The following SP140 variants were observed in gnomAD, a reference collection of about 807,000 sequenced individuals.
The protein encoded by SP140 is SP140 nuclear body protein, also known as nuclear body protein SP140.
SP140 carries 81 observed loss-of-function variants against 125.0 expected under a neutral mutation model. The ratio of observed to expected loss-of-function variants is 0.65; its 90% CI spans 0.54 to 0.78. The LOEUF (loss-of-function observed/expected upper bound fraction) is 0.78, where lower values mean the gene tolerates loss of function less well. SP140 is among the 30% of genes least tolerant of loss of function. The pLI, the probability that SP140 is intolerant of heterozygous loss-of-function variation, is 0.00. For missense variants in SP140, 858 were observed against 1,037.0 expected (o/e 0.83, Z 2.37); for synonymous variants, 312 against 354.0 (o/e 0.88, Z 1.33).
At chr2:230,198,859 A>G (rs574105933), upstream of SP140, among the ~76,000 whole-genome samples, 22 of 152,248 alleles carry the variant, frequency 1.4e-4, no homozygotes, top group Admixed American at 7.2e-4. Context: ...CGGCCTCCCA[A>G]TAGCAAATTA....
At chr2:230,251,094 G>A (rs2050288386) in intron 10 of SP140, 33 bp downstream of exon 10, 2 of 1,576,696 alleles carry the variant, frequency 1.3e-6, no homozygotes, top group African/African-American at 1.3e-5. Context: ...GCCCTGGGCT[G>A]CAGAGTGTCA....
intron 23 of SP140, 97 bp from the exon 24 acceptor site, chr2:230,310,645 GC>G (rs2059256936): frequency 6.5e-7 from 1 of 1,545,568 alleles, no homozygotes; most frequent in African/African-American, 1.4e-5. Context: ...CCATGACTGA[GC>G]CCATCAGCCA....
the SP140 span, among the ~76,000 whole-genome samples, chr2:230,194,948 C>T: frequency 3.3e-5 from 5 of 152,082 alleles, no homozygotes; most frequent in Non-Finnish European, 7.4e-5. Context: ...TGGCTGTGCT[C>T]CAGGCACATG....
intron 12 of SP140, among the ~76,000 whole-genome samples, chr2:230,257,631 G>T (rs1346047744): frequency 6.6e-6 from 1 of 152,094 alleles, no homozygotes; most frequent in Admixed American, 6.6e-5. Flanking sequence ...GCTGGTTGTG[G>T]TCGAGCACAC....
rs755023571 is a variant in SP140, at chr2:230,251,006, G to A, written c.1002G>A (p.Met334Ile). The change falls in exon 10 of 27, where the codon ATG (methionine) becomes ATA (isoleucine). Residue 334 changes from methionine to isoleucine, a missense_variant. Transcript: ENST00000392045. The stretch of plus-strand genomic sequence containing the variant: ...AGGGCAGTGATGACTGTTCAGAAAT[G>A]TGTGATGGAGAAGAGCCCCAGGAAG... Reference protein sequence around the residue: ...GEEGSDDCSEMCDGEEPQEAS... With the variant: ...GEEGSDDCSEICDGEEPQEAS... 16 of 1,613,868 alleles carry A rather than the reference G, an allele frequency of 9.9e-6. No homozygotes were observed. In the South Asian group the frequency reaches 1.6e-4, roughly 17 times the overall value.
intron 1 of SP140, chr2:230,209,918 AG>A (rs759400271): frequency 6.5e-7 from 1 of 1,541,900 alleles, no homozygotes; most frequent in South Asian, 1.1e-5. Context: ...TACAGAAGAA[AG>A]GCTTTTCTTA....
chr2:230,263,784 G>T (rs2052644276), intron 12 of SP140, among the ~76,000 whole-genome samples: 1 of 152,190 alleles, frequency 6.6e-6, no homozygotes, highest in Non-Finnish European at 1.5e-5. Context: ...GTTTGAAGAG[G>T]CTGAAGATAG....
intron 1 of SP140, among the ~76,000 whole-genome samples, chr2:230,206,054 T>C (rs2043762869): frequency 6.6e-6 from 1 of 152,168 alleles, no homozygotes; most frequent in Admixed American, 6.5e-5. Flanking sequence ...TTTCTTAGAA[T>C]GGAATCATTT....
intron 3 of SP140, among the ~76,000 whole-genome samples, chr2:230,219,211 C>T (rs190632119): frequency 2.0e-5 from 3 of 152,136 alleles, no homozygotes; most frequent in East Asian, 1.9e-4. Flanking sequence ...GGTGACAGAG[C>T]GAGACTCCGT....
At chr2:230,207,789 G>T (rs997923035) in intron 1 of SP140, among the ~76,000 whole-genome samples, 2 of 152,072 alleles carry the variant, frequency 1.3e-5, no homozygotes, top group Admixed American at 6.6e-5. Context: ...CAAAATGGCT[G>T]CCCTGCCTCC....
intron 22 of SP140, among the ~76,000 whole-genome samples, chr2:230,306,866 G>A (rs572628789): frequency 2.0e-5 from 3 of 152,350 alleles, no homozygotes; most frequent in South Asian, 4.1e-4. Context: ...TGGGTGGGAA[G>A]GGGCAGGTCC....
chr2:230,187,439 G>A, the SP140 span, among the ~76,000 whole-genome samples: 2,530 of 152,222 alleles, frequency 0.017, 49 homozygotes, highest in African/African-American at 0.055. Context: ...CATTCTGTGG[G>A]TTGTCTGTTT....
intron 19 of SP140, among the ~76,000 whole-genome samples, chr2:230,291,092 A>C (rs939004499): frequency 1.3e-5 from 2 of 152,252 alleles, no homozygotes; most frequent in African/African-American, 4.8e-5. Flanking sequence ...CTCATGATGT[A>C]GCTGTGAGAA....
intron 6 of SP140, 62 bp from the exon 7 acceptor site, chr2:230,245,801 G>A: frequency 3.8e-6 from 4 of 1,043,510 alleles, no homozygotes; most frequent in South Asian, 3.8e-5. Flanking sequence ...AGCTCAGCAT[G>A]GATCCAGGTA....
chr2:230,207,532 TA>T (rs1396930334), intron 1 of SP140, among the ~76,000 whole-genome samples: 1 of 152,192 alleles, frequency 6.6e-6, no homozygotes, highest in Non-Finnish European at 1.5e-5. Context: ...AACAGGTCAA[TA>T]ATTGAACTCT....
intron 1 of SP140, among the ~76,000 whole-genome samples, chr2:230,235,875 T>C (rs1574920182): frequency 1.4e-5 from 2 of 139,760 alleles, no homozygotes; most frequent in Non-Finnish European, 3.1e-5. Flanking sequence ...ACTGTTTTTT[T>C]TTTTTTTTTT....
chr2:230,236,981 G>T, intron 1 of SP140, 102 bp from the exon 2 acceptor site: 1 of 771,834 alleles, frequency 1.3e-6, no homozygotes, highest in Non-Finnish European at 2.0e-6. Context: ...TTTTATACAT[G>T]TTGGCTCTCC....
chr2:230,263,522 G>A (rs1352894141), intron 12 of SP140, among the ~76,000 whole-genome samples: 1 of 151,938 alleles, frequency 6.6e-6, no homozygotes, highest in Non-Finnish European at 1.5e-5. Flanking sequence ...TGTACTTTTT[G>A]TTTTTATTTT....
chr2:230,238,751 T>C, intron 3 of SP140: 1 of 1,544,652 alleles, frequency 6.5e-7, no homozygotes, highest in Non-Finnish European at 8.8e-7. Context: ...AACAATTTTC[T>C]TTGTATTAGA....
Sources: gnomAD v4.1 joint callset for allele counts (sites outside exome capture counted in the v4.1 genomes callset) on GRCh38, gnomAD v4.1.1 for gene constraint, MANE v1.5 for transcripts, NCBI Gene and HGNC (gene_info 2026-07-23, HGNC 2026-07-21) for gene names.